Variants in MCPH1 observed in about 807,000 individuals in gnomAD.
The protein encoded by MCPH1 is microcephalin.
In MCPH1, 104 loss-of-function variants were observed where a neutral mutation model predicts 84.5. The observed-to-expected ratio is 1.23, with a 90% CI of 1.05 to 1.45. The LOEUF (loss-of-function observed/expected upper bound fraction) is 1.45. Ranked by LOEUF, MCPH1 falls within the 40% of genes most tolerant of loss-of-function variation. The pLI is 0.00. For synonymous variants in MCPH1, 514 were observed against 366.8 expected, an observed-to-expected ratio of 1.40 and a Z score of -4.58; for missense variants, 1,498 against 1,005.7, an observed-to-expected ratio of 1.49 and a Z score of -6.62.
intron 9 of MCPH1, among the ~76,000 whole-genome samples, chr8:6,472,962 AG>A (rs1332693888): frequency 1.3e-5 from 2 of 152,238 alleles, no homozygotes; most frequent in African/African-American, 4.8e-5. Flanking sequence ...ATGATTGTAA[AG>A]AACCTTAGCT....
At chr8:6,490,197 A>G (rs1810406272) in intron 11 of MCPH1, among the ~76,000 whole-genome samples, 1 of 152,232 alleles carries the variant, frequency 6.6e-6, no homozygotes, top group African/African-American at 2.4e-5. Flanking sequence ...GTTCTGCCAG[A>G]CATCTGAACT....
chr8:6,553,470 G>A (rs990680892), intron 12 of MCPH1, among the ~76,000 whole-genome samples: 4 of 152,102 alleles, frequency 2.6e-5, no homozygotes, highest in African/African-American at 4.8e-5. Flanking sequence ...TGGTAATTGC[G>A]TCGGCTTCAC....
intron 3 of MCPH1, among the ~76,000 whole-genome samples, chr8:6,416,676 A>G (rs1419917204): frequency 2.6e-5 from 4 of 152,136 alleles, no homozygotes; most frequent in African/African-American, 4.8e-5. Flanking sequence ...GTCATGTTGT[A>G]TACGTTGTCA....
chr8:6,411,781 G>C (rs562175498), intron 2 of MCPH1, among the ~76,000 whole-genome samples: 5 of 152,232 alleles, frequency 3.3e-5, no homozygotes, highest in East Asian at 3.9e-4. Flanking sequence ...TATATAACCT[G>C]TTCAGTACTA....
intron 13 of MCPH1, among the ~76,000 whole-genome samples, chr8:6,629,213 AG>A (rs1365276843): frequency 6.6e-6 from 1 of 152,248 alleles, no homozygotes; most frequent in Non-Finnish European, 1.5e-5. Flanking sequence ...CTATAATCCC[AG>A]CACTTTGGGA....
intron 12 of MCPH1, among the ~76,000 whole-genome samples, chr8:6,526,797 G>C (rs1818428763): frequency 6.6e-6 from 1 of 152,050 alleles, no homozygotes; most frequent in African/African-American, 2.4e-5. Flanking sequence ...AAGGAAATAG[G>C]CACACCAGGT....
chr8:6,619,879 C>T (rs59005321), intron 12 of MCPH1, among the ~76,000 whole-genome samples: 2,268 of 152,262 alleles, frequency 0.015, 53 homozygotes, highest in African/African-American at 0.051. Flanking sequence ...CCACCGTGCC[C>T]GGCCAGATAC....
chr8:6,570,859 G>T (rs1826604295), intron 12 of MCPH1, among the ~76,000 whole-genome samples: 1 of 129,436 alleles, frequency 7.7e-6, no homozygotes. Context: ...ATCTTTCACA[G>T]TTTGTACTAC....
rs1803992972 is a variant in MCPH1 at position 6,444,602 on chromosome 8, A to T, written c.880A>T (p.Asn294Tyr). Residue 294 changes from asparagine (N) to tyrosine (Y), a missense_variant, in exon 8 of 14, where the codon AAT becomes TAT. Physicochemically the swap from Asn to Tyr is moderately radical, Grantham distance 143. Transcript: ENST00000344683. ...DKSSPQKFLS[N>Y]LSKEEINLQR... ...ATCAAGTCCTCAGAAATTTCTGAGT[A>T]ATCTTTCAAAGGAAGAAATAAACTT... 1.2e-6 allele frequency: 2 copies of T among 1,614,208 alleles called. No individual in the cohort carries two copies. The highest frequency in any genetic ancestry group is 1.3e-5 in the African/African-American group (1 of 75,054).
chr8:6,641,547 C>G (rs1429198088), intron 13 of MCPH1, among the ~76,000 whole-genome samples: 1 of 152,136 alleles, frequency 6.6e-6, no homozygotes, highest in African/African-American at 2.4e-5. Flanking sequence ...AGTTCGAGAT[C>G]AGCCTGGGCA....
intron 12 of MCPH1, among the ~76,000 whole-genome samples, chr8:6,610,749 A>G (rs771200675): frequency 3.3e-5 from 5 of 152,174 alleles, no homozygotes; most frequent in Non-Finnish European, 7.3e-5. Flanking sequence ...CTCCCAGGCC[A>G]GAAGTTGACA....
intron 12 of MCPH1, chr8:6,563,031 G>T (rs916521553): frequency 7.5e-7 from 1 of 1,325,210 alleles, no homozygotes; most frequent in Non-Finnish European, 1.0e-6. Context: ...GGGCTGCTAC[G>T]CTGCCATGGC....
At chr8:6,545,290 T>A (rs746692315) in intron 12 of MCPH1, among the ~76,000 whole-genome samples, 3 of 152,236 alleles carry the variant, frequency 2.0e-5, no homozygotes, top group Non-Finnish European at 4.4e-5. Flanking sequence ...TCCATATTTT[T>A]AAAAGTTATC....
intron 12 of MCPH1, among the ~76,000 whole-genome samples, chr8:6,511,684 A>G (rs1462271803): frequency 6.6e-6 from 1 of 152,176 alleles, no homozygotes; most frequent in African/African-American, 2.4e-5. Context: ...TTTTCGATGT[A>G]ATATCTATTT....
intron 11 of MCPH1, among the ~76,000 whole-genome samples, chr8:6,487,400 A>G (rs1810062816): frequency 6.6e-6 from 1 of 152,168 alleles, no homozygotes; most frequent in African/African-American, 2.4e-5. Flanking sequence ...CACGCCTCTC[A>G]TTTTACATTA....
intron 12 of MCPH1, among the ~76,000 whole-genome samples, chr8:6,529,091 G>T (rs796176084): frequency 2.1e-4 from 32 of 152,304 alleles, no homozygotes; most frequent in African/African-American, 7.5e-4. Flanking sequence ...AGGCAGGGAA[G>T]GATGGCATAT....
At chr8:6,407,433 T>C (rs970948408) in intron 1 of MCPH1, among the ~76,000 whole-genome samples, 1 of 152,118 alleles carries the variant, frequency 6.6e-6, no homozygotes, top group Non-Finnish European at 1.5e-5. Context: ...GACAGGGCCT[T>C]AGACCGGAGC....
At chr8:6,492,599 G>T (rs1161684139) in intron 11 of MCPH1, among the ~76,000 whole-genome samples, 1 of 149,816 alleles carries the variant, frequency 6.7e-6, no homozygotes, top group Admixed American at 6.7e-5. Context: ...TATAGAAATA[G>T]CATATTTCTA....
Position 6,505,978 on chromosome 8 carries a change from G to GTA in MCPH1, c.2214+6056_2214+6057dup, listed in dbSNP as rs548017908. ...ATATATAAAAACATACATATTCTTT[G>GTA]TATATATAAAAACATATACATATTC... is the stretch of plus-strand genomic sequence containing the variant. On this transcript the variant is annotated intron_variant, in intron 12 of 13. Coordinates refer to ENST00000344683, the MANE Select transcript of MCPH1 (RefSeq NM_024596.5). Among the ~76,000 whole-genome samples, 4 of 60,848 alleles carry GTA rather than the reference G, an allele frequency of 6.6e-5. 1 individual carries two copies. Among genetic ancestry groups the GTA allele is most frequent in the African/African-American group, 3.0e-4 (2 of 6,710 alleles). 39.9% of individuals were successfully genotyped at this position (60,848 alleles called of 152,430 possible). A position where few individuals can be genotyped will look rare whatever the true frequency, so the allele number is the denominator to read the frequency against.
Sources: gnomAD v4.1 joint callset for allele counts (sites outside exome capture counted in the v4.1 genomes callset) on GRCh38, gnomAD v4.1.1 for gene constraint, MANE v1.5 for transcripts, NCBI Gene and HGNC (gene_info 2026-07-23, HGNC 2026-07-21) for gene names.